The following CCDC77 variants were observed in gnomAD, a reference collection of about 807,000 sequenced individuals.
The protein encoded by CCDC77 is coiled-coil domain-containing protein 77.
Under a neutral mutation model 66.8 loss-of-function variants are expected in CCDC77, and 56 were observed. The observed-to-expected ratio is 0.84, with a 90% CI of 0.68 to 1.05. CCDC77 has a LOEUF of 1.05. Among genes scored for constraint, CCDC77 ranks in the 50% least tolerant of loss-of-function variants. The probability of loss-of-function intolerance (pLI) is 0.00; values close to 1 mark genes in which losing one functional copy is unlikely to be tolerated. For synonymous variants in CCDC77, 196 were observed against 195.2 expected, an observed-to-expected ratio of 1.00 and a Z score of -0.03; for missense variants, 570 against 576.8, an observed-to-expected ratio of 0.99 and a Z score of 0.12.
intron 10 of CCDC77, among the ~76,000 whole-genome samples, chr12:439,864 T>C (rs2137624588): frequency 1.3e-5 from 2 of 152,292 alleles, no homozygotes; most frequent in Middle Eastern, 6.8e-3. Flanking sequence ...ATGTAGTTGC[T>C]GGAAGTCCAT....
At chr12:425,437 T>G (rs1442918540) in intron 5 of CCDC77, among the ~76,000 whole-genome samples, 1 of 151,826 alleles carries the variant, frequency 6.6e-6, no homozygotes. Flanking sequence ...ACAGACACCA[T>G]AGGATCCGCC....
intron 4 of CCDC77, among the ~76,000 whole-genome samples, chr12:412,912 C>A (rs1485892639): frequency 6.6e-6 from 1 of 151,972 alleles, no homozygotes; most frequent in Non-Finnish European, 1.5e-5. Context: ...CTATCTCCTT[C>A]TTCCTTCCTT....
chr12:393,945 G>C (rs1193430881), intron 1 of CCDC77, among the ~76,000 whole-genome samples: 1 of 152,102 alleles, frequency 6.6e-6, no homozygotes, highest in Non-Finnish European at 1.5e-5. Flanking sequence ...ATGTTGACAT[G>C]TATTATTATA....
At chr12:441,617 C>T (rs1327530882) in intron 12 of CCDC77, among the ~76,000 whole-genome samples, 157 bp from the exon 13 acceptor site, 2 of 152,170 alleles carry the variant, frequency 1.3e-5, no homozygotes, top group South Asian at 2.1e-4. Context: ...TCTACATTTT[C>T]CTTCTTTAGT....
chr12:427,622 A>G (rs1354706152), intron 5 of CCDC77, among the ~76,000 whole-genome samples: 9 of 151,652 alleles, frequency 5.9e-5, no homozygotes, highest in Non-Finnish European at 1.3e-4. Flanking sequence ...TTACAGGTGC[A>G]CGCCACCACG....
In CCDC77 at chr12:423,489, G is replaced by GTTTGTTTGT. The variant is rs1565572244; in HGVS notation, c.413+4856_413+4857insGTTTGTTTT. 5.0e-3 allele frequency among the ~76,000 whole-genome samples: 162 copies of GTTTGTTTGT among 32,676 alleles called. 5 individuals are homozygous for GTTTGTTTGT. Among genetic ancestry groups the GTTTGTTTGT allele is most frequent in the Middle Eastern group, 0.056 (2 of 36 alleles). The allele number at this position is 32,676 out of a possible 152,430, so 21.4% of individuals were successfully genotyped here. A position where few individuals can be genotyped will look rare whatever the true frequency, so the allele number is the denominator to read the frequency against. On this transcript the variant is annotated intron_variant, in intron 5 of 12. Transcript: ENST00000239830. Reference sequence around the variant, plus strand: ...TTTTGTGTTTTTTGTGTTTTTTTTTGTTTTGTTTTTTTTTTTTTTTTTTTG... The same window carrying GTTTGTTTGT: ...TTTTGTGTTTTTTGTGTTTTTTTTTGTTTGTTTGTTTTTGTTTTTTTTTTTTTTTTTTTG...
chr12:403,495 TTTA>T (rs1944934704), intron 1 of CCDC77, among the ~76,000 whole-genome samples: 2 of 152,150 alleles, frequency 1.3e-5, no homozygotes, highest in Admixed American at 1.3e-4. Context: ...AATATTTATT[TTTA>T]TTATTATTTT....
At chr12:440,355 T>C (rs1192216132) in intron 10 of CCDC77, among the ~76,000 whole-genome samples, 3 of 152,234 alleles carry the variant, frequency 2.0e-5, no homozygotes, top group African/African-American at 7.2e-5. Context: ...TGGGACAGCT[T>C]CTGAGCTCCG....
At chr12:398,794 C>G (rs1236826643), upstream of CCDC77, among the ~76,000 whole-genome samples, 1 of 150,950 alleles carries the variant, frequency 6.6e-6, no homozygotes, top group Admixed American at 6.6e-5. Flanking sequence ...CAGTCTTGCT[C>G]TGTCACTCAG....
chr12:430,590 G>A lies in CCDC77; in HGVS notation c.511-74G>A. On this transcript the variant is annotated intron_variant, in intron 6 of 12. Transcript: ENST00000239830. ...TAATTTAACTTCTAGTGTTCAATCTGCAGAACTAAGGCTGAAAAGTAAAAT... is the reference window on the plus strand; with the variant it reads ...TAATTTAACTTCTAGTGTTCAATCTACAGAACTAAGGCTGAAAAGTAAAAT... The A allele has an allele frequency of 4.7e-6, 5 of 1,072,276 alleles. No homozygotes were observed. The South Asian group carries it at 6.2e-5, about 13-fold the overall frequency. 66.4% of individuals were successfully genotyped at this position (1,072,276 alleles called of 1,614,324 possible).
intron 9 of CCDC77, among the ~76,000 whole-genome samples, chr12:435,909 T>C (rs1462870815): frequency 1.3e-5 from 2 of 151,988 alleles, no homozygotes; most frequent in African/African-American, 4.8e-5. Flanking sequence ...TGGTTTATTT[T>C]TATTATTTTT....
At chr12:434,386 T>C (rs1175535257) in intron 9 of CCDC77, among the ~76,000 whole-genome samples, 1 of 148,768 alleles carries the variant, frequency 6.7e-6, no homozygotes, top group Non-Finnish European at 1.5e-5. Flanking sequence ...TAAGTCTCAC[T>C]CTGTCGCCCA....
intron 6 of CCDC77, 36 bp downstream of exon 6, chr12:428,901 T>C (rs748614518): frequency 7.3e-7 from 1 of 1,372,468 alleles, no homozygotes; most frequent in South Asian, 1.2e-5. Context: ...TGAGTGTGGC[T>C]TTACAAGTCA....
chr12:392,639 G>A (rs1458354211), intron 1 of CCDC77, among the ~76,000 whole-genome samples: 1 of 152,060 alleles, frequency 6.6e-6, no homozygotes, highest in Non-Finnish European at 1.5e-5. Flanking sequence ...CAGCTACTTA[G>A]GAGGCTGAGG....
At chr12:426,114 C>T (rs1209243809) in intron 5 of CCDC77, among the ~76,000 whole-genome samples, 1 of 152,168 alleles carries the variant, frequency 6.6e-6, no homozygotes, top group Non-Finnish European at 1.5e-5. Context: ...CCACCCGCCT[C>T]GGCCTCCCAA....
intron 5 of CCDC77, among the ~76,000 whole-genome samples, chr12:419,190 C>T (rs1485547453): frequency 6.6e-6 from 1 of 152,176 alleles, no homozygotes; most frequent in Non-Finnish European, 1.5e-5. Context: ...AAGCCTTAAC[C>T]AACCCCCATA....
At chr12:440,248 A>G (rs1055920339) in intron 10 of CCDC77, among the ~76,000 whole-genome samples, 2 of 152,248 alleles carry the variant, frequency 1.3e-5, no homozygotes, top group African/African-American at 4.8e-5. Context: ...TAACTGCTCA[A>G]TAGGGCATGT....
At position 411,901 on chromosome 12, in the gene CCDC77, A is replaced by C; in HGVS notation, c.193A>C (p.Lys65Gln). Residue 65 changes from lysine to glutamine, a missense_variant, in exon 4 of 13, where the codon AAG becomes CAG. Lys to Gln is a moderately conservative substitution (Grantham distance 53, BLOSUM62 1). Transcript: ENST00000239830. ...GGAGCTCCTGGAATATTATCAAAAG[A>C]AGATGGCTGAGTGTGAGGCAGAAAA... Reference protein sequence around the residue: ...SKELLEYYQKKMAECEAENED... With the variant: ...SKELLEYYQKQMAECEAENED... The C allele has an allele frequency of 1.2e-6, 2 of 1,614,078 alleles. No homozygotes were observed. The highest frequency in any genetic ancestry group is 1.7e-6 in the Non-Finnish European group (2 of 1,180,032).
rs189540669 is a variant in CCDC77 at position 392,268 on chromosome 12, G to C, written c.-113+2782G>C. Among the ~76,000 whole-genome samples, 35 of 152,158 alleles carry C rather than the reference G, an allele frequency of 2.3e-4. No individual in the cohort carries two copies. The East Asian group carries it at 3.3e-3, about 14-fold the overall frequency. The stretch of plus-strand genomic sequence containing the variant: ...CTTAGATCTGATAATCATTTGGCTA[G>C]ACCGTGGTCCCTGGATTTTTAAAAA... On this transcript the variant is annotated intron_variant, in intron 1 of 11. Coordinates refer to the CCDC77 transcript ENST00000422000.
Sources: allele counts gnomAD v4.1 joint callset (sites outside exome capture counted in the v4.1 genomes callset), GRCh38; gene constraint gnomAD v4.1.1; transcripts MANE v1.5; gene names NCBI Gene and HGNC (gene_info 2026-07-23, HGNC 2026-07-21).